Variants in GABRR2 observed in about 807,000 individuals in gnomAD.
GABRR2 encodes gamma-aminobutyric acid receptor subunit rho-2.
In GABRR2, 36 loss-of-function variants were observed where a neutral mutation model predicts 47.0. The ratio of observed to expected loss-of-function variants is 0.77; its 90% CI spans 0.59 to 1.01. The LOEUF is 1.01. Among genes scored for constraint, GABRR2 ranks in the 50% least tolerant of loss-of-function variants. GABRR2 has a pLI of 0.00. For missense variants in GABRR2, 587 were observed against 594.6 expected, an observed-to-expected ratio of 0.99 and a Z score of 0.13; for synonymous variants, 204 against 227.5, an observed-to-expected ratio of 0.90 and a Z score of 0.93.
At chr6:89,304,142 A>G (rs771895370) in intron 1 of GABRR2, among the ~76,000 whole-genome samples, 1 of 152,240 alleles carries the variant, frequency 6.6e-6, no homozygotes, top group Admixed American at 6.5e-5. Flanking sequence ...GCACAAAAAA[A>G]GTATCAACAT....
intron 1 of GABRR2, among the ~76,000 whole-genome samples, chr6:89,300,329 G>A (rs1354962549): frequency 1.3e-5 from 2 of 152,130 alleles, no homozygotes; most frequent in African/African-American, 2.4e-5. Flanking sequence ...AGCCAACATG[G>A]TGAAACCCCA....
intron 2 of GABRR2, among the ~76,000 whole-genome samples, chr6:89,275,377 G>A (rs992752845): frequency 1.3e-5 from 2 of 152,092 alleles, no homozygotes; most frequent in African/African-American, 2.4e-5. Flanking sequence ...GGGTTCAAGC[G>A]ATTCTCATGC....
intron 1 of GABRR2, among the ~76,000 whole-genome samples, chr6:89,309,054 A>G (rs1767629850): frequency 6.6e-6 from 1 of 152,114 alleles, no homozygotes; most frequent in African/African-American, 2.4e-5. Context: ...TGAGTCCTGG[A>G]GGGAGGGAGG....
At chr6:89,307,456 C>G (rs1767588241) in intron 1 of GABRR2, among the ~76,000 whole-genome samples, 1 of 152,186 alleles carries the variant, frequency 6.6e-6, no homozygotes, top group African/African-American at 2.4e-5. Flanking sequence ...AAATCCCACC[C>G]CTAGAGATTT....
chr6:89,264,796 G>C (rs796955982), intron 7 of GABRR2, among the ~76,000 whole-genome samples, 188 bp from the exon 8 acceptor site: 2 of 152,116 alleles, frequency 1.3e-5, no homozygotes, highest in Admixed American at 1.3e-4. Context: ...GAGCCAACCT[G>C]CTTGCTTGTC....
intron 7 of GABRR2, among the ~76,000 whole-genome samples, chr6:89,265,262 G>C (rs538534315): frequency 6.6e-6 from 1 of 152,030 alleles, no homozygotes; most frequent in Admixed American, 6.6e-5. Context: ...GTCTAAACAC[G>C]GCCAGCAAAT....
intron 2 of GABRR2, among the ~76,000 whole-genome samples, chr6:89,273,232 G>A (rs764185325): frequency 1.3e-5 from 2 of 152,062 alleles, no homozygotes; most frequent in African/African-American, 4.8e-5. Flanking sequence ...TCTGACAGTC[G>A]TCCGTATTCT....
In GABRR2 at chr6:89,314,020, GTT is replaced by G. The variant is rs35891444; in HGVS notation, c.113+1031_113+1032del. Among the ~76,000 whole-genome samples, 1,169 of 141,288 alleles carry G rather than the reference GTT, an allele frequency of 8.3e-3. 12 individuals are homozygous for G. Among genetic ancestry groups the G allele is most frequent in the African/African-American group, 0.03 (1,130 of 38,126 alleles). 92.7% of individuals were successfully genotyped at this position (141,288 alleles called of 152,430 possible). ...GCTGTAACTCTTATTTATATTCAGG[GTT>G]TTTTTTTTTTTTTTCTAAAAATAAG... On this transcript the variant is annotated intron_variant, in intron 1 of 8. Coordinates refer to ENST00000402938, the MANE Select transcript of GABRR2 (RefSeq NM_002043.5).
chr6:89,256,954 G>A lies in GABRR2; in HGVS notation c.*716C>T, dbSNP rs1399997138. Among the ~76,000 whole-genome samples, 1 of 152,154 alleles carries A rather than the reference G, an allele frequency of 6.6e-6. No homozygotes were observed. The highest frequency in any genetic ancestry group is 2.4e-5 in the African/African-American group (1 of 41,404). The stretch of plus-strand genomic sequence containing the variant: ...CAGAATGGGTCTGTGGGGTAAGCGG[G>A]GTTGAAGGAGGGGAAAGAGCAGAAG... On this transcript the variant is annotated 3_prime_UTR_variant, in exon 9 of 9. Transcript: ENST00000402938.
At chr6:89,264,680 T>G in intron 7 of GABRR2, 72 bp from the exon 8 acceptor site, 4 of 1,546,016 alleles carry the variant, frequency 2.6e-6, no homozygotes, top group Non-Finnish European at 2.6e-6. Flanking sequence ...TAAGTCACGA[T>G]TTTACACTCT....
At chr6:89,295,798 T>C (rs1158225832) in intron 2 of GABRR2, among the ~76,000 whole-genome samples, 1 of 152,012 alleles carries the variant, frequency 6.6e-6, no homozygotes, top group Admixed American at 6.5e-5. Flanking sequence ...TTGAATTAAT[T>C]TTTGTATAAG....
intron 1 of GABRR2, chr6:89,303,197 G>A (rs914488024): frequency 1.3e-5 from 5 of 383,268 alleles, no homozygotes; most frequent in Admixed American, 3.6e-5. Flanking sequence ...TCTTGCTGTC[G>A]ACACTGTCCC....
chr6:89,304,078 T>C (rs1349076526), intron 1 of GABRR2, among the ~76,000 whole-genome samples: 1 of 152,102 alleles, frequency 6.6e-6, no homozygotes, highest in Admixed American at 6.6e-5. Context: ...CCAAAAGCAA[T>C]TACAGCAAAA....
intron 2 of GABRR2, among the ~76,000 whole-genome samples, chr6:89,296,745 T>C (rs983740720): frequency 6.6e-6 from 1 of 152,182 alleles, no homozygotes; most frequent in Non-Finnish European, 1.5e-5. Flanking sequence ...AGGAGCAGCG[T>C]GATGGGGACT....
At position 89,265,685 on chromosome 6, in the gene GABRR2, T is replaced by C; in HGVS notation, c.817A>G (p.Thr273Ala). ...ACCCAGGACAGCATGACCATCAGAG[T>C]GGCAGGGAAATATGTTTGGAGCAAG... ...FFLLQTYFPA[T>A]LMVMLSWVSF... Residue 273 changes from threonine to alanine, a missense_variant, in exon 7 of 9, where the codon ACT (threonine) becomes GCT (alanine). Coordinates refer to ENST00000402938, the MANE Select transcript of GABRR2 (RefSeq NM_002043.5). 1.9e-6 allele frequency: 3 copies of C among 1,613,794 alleles called. No homozygotes were observed. The highest frequency in any genetic ancestry group is 2.5e-6 in the Non-Finnish European group (3 of 1,179,970).
intron 4 of GABRR2, among the ~76,000 whole-genome samples, chr6:89,268,755 A>G (rs938670284): frequency 6.6e-6 from 1 of 152,032 alleles, no homozygotes; most frequent in East Asian, 1.9e-4. Flanking sequence ...AACAGAAGGT[A>G]CAGTATGTGG....
chr6:89,293,227 A>G (rs1247257285), intron 2 of GABRR2, among the ~76,000 whole-genome samples: 1 of 152,226 alleles, frequency 6.6e-6, no homozygotes, highest in African/African-American at 2.4e-5. Flanking sequence ...TAATTCCTAT[A>G]TGATGTTGTT....
In GABRR2 at chr6:89,257,814, G is replaced by A. The variant is rs370972483; in HGVS notation, c.1254C>T (p.Asn418=). 33 of 1,613,944 alleles carry A rather than the reference G, an allele frequency of 2.0e-5. No individual in the cohort carries two copies. The highest frequency in any genetic ancestry group is 1.6e-4 in the Middle Eastern group (1 of 6,084). Reference sequence around the variant, plus strand: ...TCAGAAGCCCCTTCTTTCTGGCAGCGTTGGCTTCACCACTCAGGCCCAGGT... The same window carrying A: ...TCAGAAGCCCCTTCTTTCTGGCAGCATTGGCTTCACCACTCAGGCCCAGGT... The part of the protein sequence containing the change: ...VVHLGLSGEA[N]AARKKGLLKG... The change falls in exon 9 of 9, where the codon AAC becomes AAT. Residue 418 remains asparagine, a synonymous_variant. Coordinates refer to ENST00000402938, the MANE Select transcript of GABRR2 (RefSeq NM_002043.5).
At chr6:89,289,884 G>A (rs559056941) in intron 2 of GABRR2, among the ~76,000 whole-genome samples, 9 of 152,176 alleles carry the variant, frequency 5.9e-5, no homozygotes, top group East Asian at 3.8e-4. Context: ...CTCGTGCCAC[G>A]TCACAACATA....
Sources: allele counts gnomAD v4.1 joint callset (sites outside exome capture counted in the v4.1 genomes callset), GRCh38; gene constraint gnomAD v4.1.1; transcripts MANE v1.5; gene names NCBI Gene and HGNC (gene_info 2026-07-23, HGNC 2026-07-21).